Variants in ABCB1 observed in about 807,000 individuals in gnomAD.
ABCB1 encodes the protein ATP binding cassette subfamily B member 1.
Under a neutral mutation model 142.0 loss-of-function variants are expected in ABCB1, and 69 were observed. That is an observed-to-expected ratio of 0.49 (90% CI 0.40 to 0.59). The LOEUF (loss-of-function observed/expected upper bound fraction) is 0.59. ABCB1 is among the 20% of genes least tolerant of loss of function. The pLI is 0.00. For missense variants in ABCB1, 1,326 were observed against 1,554.7 expected (o/e 0.85, Z 2.47); for synonymous variants, 532 against 539.2 (o/e 0.99, Z 0.18).
intron 14 of ABCB1, among the ~76,000 whole-genome samples, chr7:87,546,341 C>T (rs759075167): frequency 1.3e-5 from 2 of 152,128 alleles, no homozygotes; most frequent in African/African-American, 4.8e-5. Context: ...GTAATCCCAG[C>T]ACTTTGGGAG....
chr7:87,554,068 C>T, intron 8 of ABCB1, 136 bp from the exon 9 acceptor site: 1 of 770,496 alleles, frequency 1.3e-6, no homozygotes. Context: ...ATACATTGAC[C>T]CTATATAGTA....
At chr7:87,642,374 C>T (rs1822545920) in intron 1 of ABCB1, among the ~76,000 whole-genome samples, 2 of 151,900 alleles carry the variant, frequency 1.3e-5, no homozygotes, top group South Asian at 4.1e-4. Context: ...TAATGTCTAG[C>T]TTACTAGGAA....
At chr7:87,512,113 T>A (rs901248566) in intron 25 of ABCB1, among the ~76,000 whole-genome samples, 33 of 152,012 alleles carry the variant, frequency 2.2e-4, no homozygotes, top group African/African-American at 7.5e-4. Context: ...TCTTTAAGCT[T>A]CCAGTATTTG....
At chr7:87,706,287 T>G (rs1280721927) in intron 1 of ABCB1, among the ~76,000 whole-genome samples, 1 of 148,228 alleles carries the variant, frequency 6.7e-6, no homozygotes, top group Non-Finnish European at 1.5e-5. Flanking sequence ...TACTTGAGAG[T>G]TTTTTTTTTA....
At chr7:87,545,797 T>C in intron 15 of ABCB1, 66 bp downstream of exon 15, 2 of 1,517,376 alleles carry the variant, frequency 1.3e-6, no homozygotes, top group Non-Finnish European at 1.8e-6. Context: ...TATTTATTTT[T>C]AGCATTAAAT....
chr7:87,601,211 T>C (rs1343899985), upstream of ABCB1: 1 of 152,212 alleles, frequency 6.6e-6, no homozygotes, highest in Non-Finnish European at 1.5e-5. Flanking sequence ...AGGGAAATTT[T>C]CTCGGGATTC....
intron 1 of ABCB1, among the ~76,000 whole-genome samples, chr7:87,642,711 T>C (rs1362851966): frequency 6.6e-6 from 1 of 152,102 alleles, no homozygotes; most frequent in East Asian, 1.9e-4. Context: ...AAACTGTCTT[T>C]TTTATTTTAA....
intron 24 of ABCB1, 144 bp from the exon 25 acceptor site, chr7:87,515,572 A>C: frequency 4.2e-6 from 2 of 477,434 alleles, no homozygotes; most frequent in Non-Finnish European, 6.9e-6. Context: ...AATTTATTTT[A>C]TTTTAATTTT....
chr7:87,632,980 A>G (rs1234927406), intron 1 of ABCB1, among the ~76,000 whole-genome samples: 1 of 152,214 alleles, frequency 6.6e-6, no homozygotes, highest in Non-Finnish European at 1.5e-5. Flanking sequence ...TAGTGTGATA[A>G]GCACGGTGGA....
chr7:87,596,303 C>A (rs1400980894), intron 2 of ABCB1, among the ~76,000 whole-genome samples: 3 of 151,932 alleles, frequency 2.0e-5, no homozygotes, highest in African/African-American at 7.3e-5. Flanking sequence ...AGAGAAGTGG[C>A]AATTAGATGC....
rs1476571978 is a variant in ABCB1, at chr7:87,531,284, T to C, written c.2685+10A>G. ...TACTTAATTAATCAATCATATTTAGTTTGACTCACCTTCCCAGAACCTTCT... is the reference window on the plus strand; with the variant it reads ...TACTTAATTAATCAATCATATTTAGCTTGACTCACCTTCCCAGAACCTTCT... On this transcript the variant is annotated intron_variant, in intron 21 of 27. Coordinates refer to ENST00000622132, the MANE Select transcript of ABCB1 (RefSeq NM_001348946.2). 5 of 1,607,674 alleles carry C rather than the reference T, an allele frequency of 3.1e-6. No homozygotes were observed. Among genetic ancestry groups the C allele is most frequent in the Non-Finnish European group, 4.3e-6 (5 of 1,174,910 alleles).
At chr7:87,579,509 A>G (rs757464911) in intron 4 of ABCB1, among the ~76,000 whole-genome samples, 1 of 152,230 alleles carries the variant, frequency 6.6e-6, no homozygotes, top group Non-Finnish European at 1.5e-5. Context: ...GACATATCAC[A>G]TTGATTAGTT....
chr7:87,627,638 G>C (rs1167827424), intron 1 of ABCB1: 1 of 152,302 alleles, frequency 6.6e-6, no homozygotes, highest in African/African-American at 2.4e-5. Flanking sequence ...GCTCTAGGAA[G>C]GGGGCGCTTC....
intron 1 of ABCB1, chr7:87,629,239 G>C: frequency 3.1e-6 from 1 of 320,454 alleles, no homozygotes; most frequent in Non-Finnish European, 5.7e-6. Context: ...CAGAGTGAAA[G>C]AGGAGGGCAA....
At chr7:87,595,149 GA>G (rs1211600920) in intron 3 of ABCB1, among the ~76,000 whole-genome samples, 3 of 151,996 alleles carry the variant, frequency 2.0e-5, no homozygotes, top group Admixed American at 6.6e-5. Flanking sequence ...TGTGATTAAA[GA>G]AAAGCTTCTA....
chr7:87,659,432 T>C (rs1476526874), intron 1 of ABCB1, among the ~76,000 whole-genome samples: 2 of 152,196 alleles, frequency 1.3e-5, no homozygotes, highest in Non-Finnish European at 2.9e-5. Context: ...TCTACTGGTA[T>C]CATTTTCCAG....
At position 87,561,360 on chromosome 7, in the gene ABCB1, G is replaced by A. The variant is rs780518645; in HGVS notation, c.730C>T (p.Leu244Phe). 1.2e-6 allele frequency: 2 copies of A among 1,613,504 alleles called. No homozygotes were observed. The highest frequency in any genetic ancestry group is 1.7e-6 in the Non-Finnish European group (2 of 1,179,604). The change falls in exon 8 of 28, where the codon CTC becomes TTC. Residue 244 changes from leucine (L) to phenylalanine (F), a missense_variant. Physicochemically the swap from Leu to Phe is conservative, Grantham distance 22. Transcript: ENST00000622132. ...KILSSFTDKE[L>F]LAYAKAGAVA... ...GCTCCAGCTTTTGCATACGCTAAGA[G>A]TTCTTTATCAGTAAATGAAGATAGT...
intron 9 of ABCB1, among the ~76,000 whole-genome samples, chr7:87,553,355 G>C (rs1017071534): frequency 9.5e-5 from 11 of 115,730 alleles, no homozygotes; most frequent in Non-Finnish European, 1.6e-4. Context: ...CAGTCTTGCT[G>C]TGTCACCCAG....
intron 1 of ABCB1, among the ~76,000 whole-genome samples, chr7:87,675,707 A>AAGAG (rs1156888771): frequency 1.3e-5 from 2 of 151,284 alleles, no homozygotes; most frequent in Admixed American, 1.3e-4. Context: ...AAAACAAAGA[A>AAGAG]AGAGAGAGAG....
Sources: gnomAD v4.1 joint callset for allele counts (sites outside exome capture counted in the v4.1 genomes callset) on GRCh38, gnomAD v4.1.1 for gene constraint, MANE v1.5 for transcripts, NCBI Gene and HGNC (gene_info 2026-07-23, HGNC 2026-07-21) for gene names.